Variants in FGFR3 observed in about 807,000 individuals in gnomAD.
FGFR3 encodes the protein fibroblast growth factor receptor 3.
A neutral mutation model predicts 82.9 loss-of-function variants in FGFR3; 25 were observed. The ratio of observed to expected loss-of-function variants is 0.30; its 90% CI spans 0.22 to 0.42. The LOEUF (loss-of-function observed/expected upper bound fraction) is 0.42. Among genes scored for constraint, FGFR3 ranks in the 10% least tolerant of loss-of-function variants. FGFR3 has a pLI of 1.00. For missense variants in FGFR3, 1,026 were observed against 1,161.0 expected (o/e 0.88, Z 1.69); for synonymous variants, 620 against 516.0 (o/e 1.20, Z -2.73).
intron 6 of FGFR3, 44 bp from the exon 7 acceptor site, chr4:1,801,791 T>A: frequency 3.2e-6 from 5 of 1,582,536 alleles, no homozygotes; most frequent in Non-Finnish European, 4.3e-6. Flanking sequence ...GTGGCGGTGG[T>A]GGTGAGGGAG....
chr4:1,803,620 G>GC, intron 7 of FGFR3, 72 bp from the exon 8 acceptor site: 2 of 1,572,576 alleles, frequency 1.3e-6, no homozygotes. Flanking sequence ...GCTGGATCCT[G>GC]CCGTGTGGAC....
Position 1,801,678 on chromosome 4 carries a change from A to T in FGFR3, c.674A>T (p.Asn225Ile). The T allele has an allele frequency of 6.2e-7, 1 of 1,611,376 alleles. No homozygotes were observed. Among genetic ancestry groups the T allele is most frequent in the Non-Finnish European group, 8.5e-7 (1 of 1,179,352 alleles). Residue 225 changes from asparagine to isoleucine, a missense_variant, in exon 6 of 18, where the codon AAC becomes ATC. Physicochemically the swap from Asn to Ile is moderately radical, Grantham distance 149. Transcript: ENST00000440486. ...MESVVPSDRG[N>I]YTCVVENKFG... ...AGCGTGGTGCCCTCGGACCGCGGCA[A>T]CTACACCTGCGTCGTGGAGAACAAG...
intron 2 of FGFR3, among the ~76,000 whole-genome samples, chr4:1,794,304 C>G (rs1257060522): frequency 6.6e-6 from 1 of 152,236 alleles, no homozygotes; most frequent in Non-Finnish European, 1.5e-5. Context: ...CAGCCCCGAT[C>G]CCCTGCGACT....
At chr4:1,799,665 G>T (rs1720957662) in intron 3 of FGFR3, 82 bp from the exon 4 acceptor site, 1 of 1,580,818 alleles carries the variant, frequency 6.3e-7, no homozygotes, top group Admixed American at 1.8e-5. Context: ...CCCAAATGGG[G>T]GACCCTGCCC....
chr4:1,798,863 C>T (rs2108770877), intron 2 of FGFR3, among the ~76,000 whole-genome samples: 1 of 152,312 alleles, frequency 6.6e-6, no homozygotes, highest in South Asian at 2.1e-4. Context: ...GTGGTGCCGC[C>T]TGTGAGACAA....
At chr4:1,805,503 G>T in intron 11 of FGFR3, 27 bp downstream of exon 11, 1 of 1,612,454 alleles carries the variant, frequency 6.2e-7, no homozygotes, top group Non-Finnish European at 8.5e-7. Flanking sequence ...CAGGGGTGCA[G>T]AGCAGGGCTG....
chr4:1,799,433 C>T lies in FGFR3; in HGVS notation c.289C>T (p.Leu97=). Residue 97 remains leucine (L), a synonymous_variant, in exon 3 of 18, where the codon CTG becomes TTG. Transcript: ENST00000440486. ...VLVGPQRLQV[L]NASHEDSGAY... Reference sequence around the variant, plus strand: ...GGTGGGGCCCCAGCGGCTGCAGGTGCTGAATGCCTCCCACGAGGACTCCGG... The same window carrying T: ...GGTGGGGCCCCAGCGGCTGCAGGTGTTGAATGCCTCCCACGAGGACTCCGG... The T allele has an allele frequency of 6.2e-7, 1 of 1,610,470 alleles. No individual in the cohort carries two copies. The highest frequency in any genetic ancestry group is 8.5e-7 in the Non-Finnish European group (1 of 1,179,042).
Position 1,802,084 on chromosome 4 carries a change from T to A in FGFR3, c.930+59T>A. The A allele has an allele frequency of 2.6e-6, 4 of 1,553,068 alleles. No homozygotes were observed. The South Asian group carries it at 4.6e-5, about 18-fold the overall frequency. ...GGGGCTCCTGGGCTGGCCCCAAGGG[T>A]GCCCCTTGGCTGCGGGTTGCGTGAG... On this transcript the variant is annotated intron_variant, in intron 7 of 17. Coordinates refer to ENST00000440486, the MANE Select transcript of FGFR3 (RefSeq NM_000142.5).
At chr4:1,794,866 G>T (rs1391752263) in intron 2 of FGFR3, among the ~76,000 whole-genome samples, 1 of 151,618 alleles carries the variant, frequency 6.6e-6, no homozygotes, top group East Asian at 1.9e-4. Context: ...GCGGCCGCGC[G>T]GAGGGAGGCC....
chr4:1,801,106 CA>C (rs567450733), intron 4 of FGFR3, among the ~76,000 whole-genome samples: 6 of 152,322 alleles, frequency 3.9e-5, no homozygotes, highest in African/African-American at 1.4e-4. Flanking sequence ...CTCCCCTGGA[CA>C]ATGCCCTGTG....
In FGFR3 at chr4:1,807,669, C is replaced by T. The variant is rs746219955; in HGVS notation, c.*407C>T. The stretch of plus-strand genomic sequence containing the variant: ...GACATCACAGGGTGGGCCTCGGCCC[C>T]TCCCACACCCAAAGCTGAGCCTGCA... On this transcript the variant is annotated 3_prime_UTR_variant, in exon 18 of 18. Transcript: ENST00000440486. 2 of 624,644 alleles carry T rather than the reference C, an allele frequency of 3.2e-6. No homozygotes were observed. Among genetic ancestry groups the T allele is most frequent in the South Asian group, 1.4e-5 (1 of 72,516 alleles). The allele number at this position is 624,644 out of a possible 1,614,324, so 38.7% of individuals were successfully genotyped here. A position where few individuals can be genotyped will look rare whatever the true frequency, so the allele number is the denominator to read the frequency against.
intron 7 of FGFR3, 119 bp downstream of exon 7, chr4:1,802,144 A>G: frequency 9.0e-7 from 1 of 1,114,476 alleles, no homozygotes; most frequent in Non-Finnish European, 1.3e-6. Flanking sequence ...TCGGGGGCAG[A>G]AGCTGTGGGG....
intron 7 of FGFR3, chr4:1,802,819 C>T (rs1261458392): frequency 1.7e-5 from 25 of 1,435,396 alleles, no homozygotes; most frequent in Non-Finnish European, 2.1e-5. Context: ...CGCAGCCCAG[C>T]CTCGATCTGT....
chr4:1,803,868 A>C lies in FGFR3; in HGVS notation c.1075+32A>C, dbSNP rs1236407649. 3.7e-6 allele frequency: 6 copies of C among 1,605,352 alleles called. No homozygotes were observed. In the African/African-American group the frequency reaches 5.4e-5, roughly 14 times the overall value. On this transcript the variant is annotated intron_variant, in intron 8 of 17. Transcript: ENST00000440486. ...GCTTCTGCTGCTGCTGCTGCTCCGC[A>C]CTGTCTGGGGGACGCTGGCTCGGGA...
chr4:1,805,568 C>T lies in FGFR3; in HGVS notation c.1544C>T (p.Thr515Ile). ...CCCGCTCCGTGCACAGACGATGCCACTGACAAGGACCTGTCGGACCTGGTG... is the reference window on the plus strand; with the variant it reads ...CCCGCTCCGTGCACAGACGATGCCATTGACAAGGACCTGTCGGACCTGGTG... ...VAVKMLKDDA[T>I]DKDLSDLVSE... is the part of the protein sequence containing the mutation. The change falls in exon 12 of 18, where the codon ACT (threonine) becomes ATT (isoleucine). Residue 515 changes from threonine (T) to isoleucine (I), a missense_variant. This residue lies in a region of FGFR3 where 164 missense variants were observed against 167.5 expected (regional missense o/e 0.98). Coordinates refer to ENST00000440486, the MANE Select transcript of FGFR3 (RefSeq NM_000142.5). 6 of 1,613,176 alleles carry T rather than the reference C, an allele frequency of 3.7e-6. No individual in the cohort carries two copies. The highest frequency in any genetic ancestry group is 5.1e-6 in the Non-Finnish European group (6 of 1,179,826).
At chr4:1,793,606 C>G (rs17879199) in intron 1 of FGFR3, 141 bp downstream of exon 1, 1 of 149,496 alleles carries the variant, frequency 6.7e-6, no homozygotes, top group Non-Finnish European at 1.5e-5. Flanking sequence ...GAAAGTTTGC[C>G]GCCGCCGCCG....
At chr4:1,803,176 G>A (rs1380759221) in intron 7 of FGFR3, 21 of 1,261,534 alleles carry the variant, frequency 1.7e-5, no homozygotes, top group African/African-American at 9.7e-5. Flanking sequence ...CCCGGCTCGC[G>A]CTCCACTCGG....
In FGFR3 at chr4:1,803,086, G is replaced by A. The variant is rs559288765; in HGVS notation, c.931-606G>A. The A allele has an allele frequency of 4.0e-4, 624 of 1,544,054 alleles. 5 individuals are homozygous for A. In the Middle Eastern group the frequency reaches 5.0e-3, roughly 12 times the overall value. On this transcript the variant is annotated intron_variant, in intron 7 of 17. Transcript: ENST00000440486. Reference sequence around the variant, plus strand: ...GCAGGTAACGACTCTGTCCCATGCCGGCCGGCACAAGAGCTCCAGCTCCAA... The same window carrying A: ...GCAGGTAACGACTCTGTCCCATGCCAGCCGGCACAAGAGCTCCAGCTCCAA...
intron 8 of FGFR3, among the ~76,000 whole-genome samples, chr4:1,804,129 C>T (rs1368580833): frequency 6.6e-6 from 1 of 152,232 alleles, no homozygotes; most frequent in Non-Finnish European, 1.5e-5. Flanking sequence ...CTGGCTGGCT[C>T]TGCTGGGCTC....
Sources: allele counts gnomAD v4.1 joint callset (sites outside exome capture counted in the v4.1 genomes callset), GRCh38; gene constraint gnomAD v4.1.1; regional missense constraint gnomAD v4.1.1; transcripts MANE v1.5; gene names NCBI Gene and HGNC (gene_info 2026-07-23, HGNC 2026-07-21).